Variants in C4orf51 observed in about 807,000 individuals in gnomAD.
The protein encoded by C4orf51 is uncharacterized protein C4orf51.
A neutral mutation model predicts 25.2 loss-of-function variants in C4orf51; 25 were observed. The observed-to-expected ratio is 0.99, with a 90% CI of 0.72 to 1.39. The LOEUF is 1.39. C4orf51 is among the 40% of genes most tolerant of loss of function. The probability of loss-of-function intolerance (pLI) is 0.00; values close to 1 mark genes in which losing one functional copy is unlikely to be tolerated. For synonymous variants in C4orf51, 100 were observed against 84.5 expected (o/e 1.18, Z -1.01); for missense variants, 252 against 239.6 (o/e 1.05, Z -0.34).
At chr4:145,779,559 C>A in the C4orf51 span, 1 of 1,592,436 alleles carries the variant, frequency 6.3e-7, no homozygotes, top group Non-Finnish European at 8.6e-7. Context: ...AACAAGAATA[C>A]ATTTTCTGTT....
chr4:145,776,015 A>C (rs758560800), downstream of C4orf51: 7 of 1,599,268 alleles, frequency 4.4e-6, no homozygotes, highest in Non-Finnish European at 6.0e-6. Flanking sequence ...AGGAAGTCCC[A>C]ACACCTTGCA....
At chr4:145,688,104 G>A (rs544021826) in intron 1 of C4orf51, among the ~76,000 whole-genome samples, 155 of 151,508 alleles carry the variant, frequency 1.0e-3, no homozygotes, top group Non-Finnish European at 1.9e-3. Flanking sequence ...GGGAGGCTGA[G>A]GTGGGAAGAT....
intron 2 of C4orf51, among the ~76,000 whole-genome samples, chr4:145,699,766 A>C (rs1190699244): frequency 6.6e-6 from 1 of 151,482 alleles, no homozygotes; most frequent in Non-Finnish European, 1.5e-5. Context: ...GTACGCCAAC[A>C]CCTTCTCTCC....
At chr4:145,766,347 C>A (rs574874906) in intron 1 of C4orf51, among the ~76,000 whole-genome samples, 1 of 152,190 alleles carries the variant, frequency 6.6e-6, no homozygotes, top group South Asian at 2.1e-4. Context: ...TTTACCATTA[C>A]TACTAACAAC....
intron 1 of C4orf51, among the ~76,000 whole-genome samples, chr4:145,739,651 G>A (rs1217466571): frequency 6.6e-6 from 1 of 152,214 alleles, no homozygotes; most frequent in Non-Finnish European, 1.5e-5. Flanking sequence ...AAGGACAATA[G>A]AATAATTATT....
At chr4:145,699,564 T>G (rs1046446944) in intron 2 of C4orf51, among the ~76,000 whole-genome samples, 1 of 152,128 alleles carries the variant, frequency 6.6e-6, no homozygotes, top group African/African-American at 2.4e-5. Context: ...AAAGGAGACA[T>G]GTTTTATCCG....
the C4orf51 span, chr4:145,779,253 A>C: frequency 7.5e-7 from 1 of 1,326,642 alleles, no homozygotes; most frequent in African/African-American, 1.5e-5. Flanking sequence ...AAATGGCTTG[A>C]AAAGGTCAGC....
chr4:145,781,379 G>T, the C4orf51 span, among the ~76,000 whole-genome samples: 7 of 152,246 alleles, frequency 4.6e-5, no homozygotes, highest in Admixed American at 6.5e-5. Context: ...TCACTGGAAT[G>T]ATTTGCCAGA....
At position 145,706,701 on chromosome 4, in the gene C4orf51, C is replaced by T. The variant is rs190628810; in HGVS notation, c.307+10069C>T. ...TGTCGCCCAGCCTGGAGTGCAGTGG[C>T]GCAATCTTGGCTCACTGCAAGTTCC... On this transcript the variant is annotated intron_variant, in intron 2 of 5. Coordinates refer to ENST00000438731, the MANE Select transcript of C4orf51 (RefSeq NM_001080531.3). Among the ~76,000 whole-genome samples the T allele has an allele frequency of 2.8e-3, 425 of 151,856 alleles. 2 individuals carry two copies. The highest frequency in any genetic ancestry group is 9.6e-3 in the African/African-American group (398 of 41,390).
chr4:145,756,797 A>G (rs1045319664), downstream of C4orf51, among the ~76,000 whole-genome samples: 22 of 152,246 alleles, frequency 1.4e-4, no homozygotes, highest in African/African-American at 5.1e-4. Flanking sequence ...TGAAAAAATA[A>G]AAGAGAAAAT....
downstream of C4orf51, among the ~76,000 whole-genome samples, chr4:145,735,435 C>T (rs1033787139): frequency 6.6e-6 from 1 of 152,148 alleles, no homozygotes; most frequent in Non-Finnish European, 1.5e-5. Flanking sequence ...TACTAAGAGA[C>T]AGACTGGGAG....
intron 1 of C4orf51, among the ~76,000 whole-genome samples, chr4:145,767,636 G>A (rs1735509210): frequency 6.6e-6 from 1 of 152,208 alleles, no homozygotes; most frequent in Non-Finnish European, 1.5e-5. Flanking sequence ...TATGTTATGT[G>A]CACAGGAACA....
At chr4:145,734,873 G>C (rs926869111), downstream of C4orf51, among the ~76,000 whole-genome samples, 9 of 152,152 alleles carry the variant, frequency 5.9e-5, no homozygotes, top group African/African-American at 1.9e-4. Context: ...AGAGACTCTT[G>C]TTCTTTGTGG....
chr4:145,760,224 A>G (rs1220643240), intron 1 of C4orf51: 1 of 152,292 alleles, frequency 6.6e-6, no homozygotes, highest in Non-Finnish European at 1.5e-5. Flanking sequence ...ACAGGGAGAG[A>G]CTGTCGTGGA....
At chr4:145,683,819 A>G (rs1194733054) in intron 1 of C4orf51, among the ~76,000 whole-genome samples, 2 of 152,196 alleles carry the variant, frequency 1.3e-5, no homozygotes, top group African/African-American at 4.8e-5. Flanking sequence ...GAAACCTTAA[A>G]TGACTTTGGG....
At chr4:145,691,966 T>C (rs967328487) in intron 1 of C4orf51, among the ~76,000 whole-genome samples, 2 of 152,242 alleles carry the variant, frequency 1.3e-5, no homozygotes, top group African/African-American at 4.8e-5. Context: ...ATAAGATCTC[T>C]GATATACAGC....
intron 1 of C4orf51, among the ~76,000 whole-genome samples, chr4:145,747,523 G>A (rs190459095): frequency 6.6e-6 from 1 of 151,956 alleles, no homozygotes; most frequent in East Asian, 1.9e-4. Context: ...CATATGTTGA[G>A]CCACGTTTAC....
At chr4:145,769,268 A>AGCTATGT (rs1349826089) in intron 1 of C4orf51, among the ~76,000 whole-genome samples, 1 of 152,070 alleles carries the variant, frequency 6.6e-6, no homozygotes, top group Non-Finnish European at 1.5e-5. Context: ...GGTACAAGAA[A>AGCTATGT]GCTATGTGAC....
At chr4:145,770,914 C>T (rs1432734661) in intron 1 of C4orf51, 1 of 152,168 alleles carries the variant, frequency 6.6e-6, no homozygotes, top group Non-Finnish European at 1.5e-5. Flanking sequence ...CTCCGCAGGG[C>T]AACAGCAATG....
Sources: allele counts gnomAD v4.1 joint callset (sites outside exome capture counted in the v4.1 genomes callset), GRCh38; gene constraint gnomAD v4.1.1; transcripts MANE v1.5; gene names NCBI Gene and HGNC (gene_info 2026-07-23, HGNC 2026-07-21).